The following ENTPD1 variants were observed in gnomAD, a reference collection of about 807,000 sequenced individuals.
ENTPD1 encodes ATP diphosphohydrolase.
In ENTPD1, 33 loss-of-function variants were observed where a neutral mutation model predicts 57.0. The observed-to-expected ratio is 0.58, with a 90% CI of 0.44 to 0.77. ENTPD1 has a LOEUF of 0.77. Among genes scored for constraint, ENTPD1 ranks in the 30% least tolerant of loss-of-function variants. The probability of loss-of-function intolerance (pLI) is 0.00; values close to 1 mark genes in which losing one functional copy is unlikely to be tolerated. For missense variants in ENTPD1, 501 were observed against 603.4 expected, an observed-to-expected ratio of 0.83 and a Z score of 1.78; for synonymous variants, 202 against 218.8, an observed-to-expected ratio of 0.92 and a Z score of 0.68.
Position 95,847,529 on chromosome 10 carries a change from C to A in ENTPD1, c.897C>A (p.Thr299=), listed in dbSNP as rs995448739. Residue 299 remains threonine, a synonymous_variant, in exon 7 of 10, where the codon ACC becomes ACA. Coordinates refer to ENST00000371205, the MANE Select transcript of ENTPD1 (RefSeq NM_001776.6). ...KVVNVSDLYK[T]PCTKRFEMTL... is the part of the protein sequence containing the mutation. ...TGAACGTAAGTGACCTTTACAAGACCCCCTGCACCAAGAGATTTGAGATGA... is the reference window on the plus strand; with the variant it reads ...TGAACGTAAGTGACCTTTACAAGACACCCTGCACCAAGAGATTTGAGATGA... 6.2e-7 allele frequency: 1 copy of A among 1,614,098 alleles called. No individual in the cohort carries two copies. The highest frequency in any genetic ancestry group is 1.3e-5 in the African/African-American group (1 of 75,014).
chr10:95,853,709 G>A (rs1032489779), intron 7 of ENTPD1, among the ~76,000 whole-genome samples: 33 of 152,076 alleles, frequency 2.2e-4, no homozygotes, highest in Admixed American at 1.1e-3. Flanking sequence ...TTTGTCTTTG[G>A]TTCTGTTTAT....
chr10:95,810,654 G>C (rs4074424), intron 1 of ENTPD1, among the ~76,000 whole-genome samples: 82,022 of 152,094 alleles, frequency 0.54, 22,552 homozygotes, highest in Admixed American at 0.63. Flanking sequence ...AGTAGGACAC[G>C]ACTTTCTGAG....
At position 95,876,932 on chromosome 10, in the gene ENTPD1, T is replaced by C. The variant is rs1435913023; in HGVS notation, c.*10549T>C. Among the ~76,000 whole-genome samples the C allele has an allele frequency of 1.3e-5, 2 of 152,224 alleles. No individual in the cohort carries two copies. The highest frequency in any genetic ancestry group is 2.9e-5 in the Non-Finnish European group (2 of 68,044). On this transcript the variant is annotated 3_prime_UTR_variant, in exon 10 of 10. Transcript: ENST00000371205. ...ATGGTGAAGGTGGGCAGAATCATTA[T>C]GTGATGCAACATGGCAAAAGTATAC...
At chr10:95,800,163 C>T (rs1224720576) in intron 1 of ENTPD1, among the ~76,000 whole-genome samples, 1 of 152,082 alleles carries the variant, frequency 6.6e-6, no homozygotes, top group East Asian at 1.9e-4. Context: ...TTCTATTTTC[C>T]CTAAGTGTTG....
chr10:95,797,321 T>C (rs2098230523), intron 1 of ENTPD1, among the ~76,000 whole-genome samples: 1 of 151,976 alleles, frequency 6.6e-6, no homozygotes, highest in Non-Finnish European at 1.5e-5. Flanking sequence ...GTGACTAGCA[T>C]TATAAATTTT....
At chr10:95,717,207 TTAAG>T (rs1363482486) in intron 1 of ENTPD1, among the ~76,000 whole-genome samples, 1 of 152,220 alleles carries the variant, frequency 6.6e-6, no homozygotes, top group Non-Finnish European at 1.5e-5. Context: ...ACTGTAAGCT[TTAAG>T]TAAGCTACAA....
the ENTPD1 span, among the ~76,000 whole-genome samples, chr10:95,699,036 T>C: frequency 6.6e-6 from 1 of 151,890 alleles, no homozygotes; most frequent in African/African-American, 2.4e-5. Flanking sequence ...CAAGGCCGAG[T>C]ACAGTGGCTC....
chr10:95,808,815 A>G (rs1399455342), intron 1 of ENTPD1, among the ~76,000 whole-genome samples: 1 of 152,002 alleles, frequency 6.6e-6, no homozygotes, highest in Non-Finnish European at 1.5e-5. Flanking sequence ...AGAGAAGGTC[A>G]GCAGATAAAC....
intron 1 of ENTPD1, among the ~76,000 whole-genome samples, chr10:95,720,863 G>A (rs192526637): frequency 6.6e-6 from 1 of 152,262 alleles, no homozygotes; most frequent in East Asian, 1.9e-4. Context: ...GCCTTTCTGT[G>A]TTCCAGAGCC....
chr10:95,712,836 C>T (rs2097967153), intron 1 of ENTPD1, among the ~76,000 whole-genome samples: 1 of 152,126 alleles, frequency 6.6e-6, no homozygotes, highest in Non-Finnish European at 1.5e-5. Flanking sequence ...AGATCGAGAC[C>T]ATCCTGGCTA....
chr10:95,725,130 A>C (rs201603854), intron 1 of ENTPD1, among the ~76,000 whole-genome samples: 614 of 46,194 alleles, frequency 0.013, 3 homozygotes, highest in Middle Eastern at 0.048. Flanking sequence ...TCAATCTATT[A>C]TACTTTTGGG....
chr10:95,866,041 A>T, intron 9 of ENTPD1, 136 bp from the exon 10 acceptor site: 1 of 1,248,918 alleles, frequency 8.0e-7, no homozygotes, highest in South Asian at 1.3e-5. Context: ...CTGAGATTAC[A>T]GGCATGAGCC....
chr10:95,773,578 G>C (rs1206148474), intron 1 of ENTPD1, among the ~76,000 whole-genome samples: 1 of 152,088 alleles, frequency 6.6e-6, no homozygotes, highest in African/African-American at 2.4e-5. Context: ...TTTCAGAATG[G>C]TCAATTAATA....
At chr10:95,695,057 C>T in the ENTPD1 span, among the ~76,000 whole-genome samples, 20 of 151,866 alleles carry the variant, frequency 1.3e-4, no homozygotes, top group Non-Finnish European at 2.4e-4. Flanking sequence ...CGCGCCACCA[C>T]GCCCGGCTAA....
chr10:95,715,958 A>G (rs2097971006), intron 1 of ENTPD1, among the ~76,000 whole-genome samples: 2 of 152,120 alleles, frequency 1.3e-5, no homozygotes. Context: ...TTGACCTCCC[A>G]GGCTCAAGCA....
chr10:95,823,258 G>T lies in ENTPD1; in HGVS notation c.38G>T (p.Cys13Phe). Reference sequence around the variant, plus strand: ...TTAGAGTCTAACGTGAAGACATTTTGCTCCAAGAATATCCTAGCCATCCTT... The same window carrying T: ...TTAGAGTCTAACGTGAAGACATTTTTCTCCAAGAATATCCTAGCCATCCTT... Reference protein sequence around the residue: ...DTKESNVKTFCSKNILAILGF... With the variant: ...DTKESNVKTFFSKNILAILGF... Residue 13 changes from cysteine (C) to phenylalanine (F), a missense_variant, in exon 2 of 10, where the codon TGC becomes TTC. By Grantham distance (205) the Cys-to-Phe change is radical. Coordinates refer to ENST00000371205, the MANE Select transcript of ENTPD1 (RefSeq NM_001776.6). The T allele has an allele frequency of 1.2e-6, 2 of 1,614,092 alleles. No individual in the cohort carries two copies. Among genetic ancestry groups the T allele is most frequent in the Non-Finnish European group, 1.7e-6 (2 of 1,179,976 alleles).
chr10:95,697,303 G>A, the ENTPD1 span, among the ~76,000 whole-genome samples: 3 of 152,094 alleles, frequency 2.0e-5, no homozygotes, highest in Non-Finnish European at 2.9e-5. Context: ...AGGTGGTGGT[G>A]GGGGTGGCGG....
At chr10:95,710,429 A>C (rs1463397913), upstream of ENTPD1, among the ~76,000 whole-genome samples, 1 of 152,162 alleles carries the variant, frequency 6.6e-6, no homozygotes, top group Non-Finnish European at 1.5e-5. Flanking sequence ...AATGATACTC[A>C]TGATTAAAAT....
At position 95,867,671 on chromosome 10, in the gene ENTPD1, C is replaced by T. The variant is rs1203820997; in HGVS notation, c.*1288C>T. On this transcript the variant is annotated 3_prime_UTR_variant, in exon 10 of 10. Coordinates refer to ENST00000371205, the MANE Select transcript of ENTPD1 (RefSeq NM_001776.6). ...ACCATGGAAACATGAAGAGACCCTG[C>T]ACCCCTTTCCTTAAGGATTGCTGCA... The T allele has an allele frequency of 6.1e-6, 6 of 985,464 alleles. No homozygotes were observed. The highest frequency in any genetic ancestry group is 7.2e-6 in the Non-Finnish European group (6 of 829,966). 61.0% of individuals were successfully genotyped at this position (985,464 alleles called of 1,614,324 possible).
Sources: gnomAD v4.1 joint callset for allele counts (sites outside exome capture counted in the v4.1 genomes callset) on GRCh38, gnomAD v4.1.1 for gene constraint, MANE v1.5 for transcripts, NCBI Gene and HGNC (gene_info 2026-07-23, HGNC 2026-07-21) for gene names.